Variants in SCHIP1 observed in about 807,000 individuals in gnomAD.
SCHIP1 encodes schwannomin interacting protein 1, also known as schwannomin-interacting protein 1.
In SCHIP1, 8 loss-of-function variants were observed where a neutral mutation model predicts 29.7. The ratio of observed to expected loss-of-function variants is 0.27; its 90% CI spans 0.16 to 0.49. The LOEUF (loss-of-function observed/expected upper bound fraction) is 0.49. SCHIP1 is among the 20% of genes least tolerant of loss of function. SCHIP1 has a pLI of 0.99. For missense variants in SCHIP1, 193 were observed against 294.6 expected, an observed-to-expected ratio of 0.66 and a Z score of 2.52; for synonymous variants, 76 against 94.9, an observed-to-expected ratio of 0.80 and a Z score of 1.16.
At chr3:159,453,152 G>C in the SCHIP1 span, among the ~76,000 whole-genome samples, 1 of 152,178 alleles carries the variant, frequency 6.6e-6, no homozygotes, top group African/African-American at 2.4e-5. Flanking sequence ...GTAGCTGCAG[G>C]TACAACGGCA....
chr3:159,385,303 A>T, the SCHIP1 span, among the ~76,000 whole-genome samples: 1 of 152,218 alleles, frequency 6.6e-6, no homozygotes, highest in Non-Finnish European at 1.5e-5. Context: ...TATGCCTGTA[A>T]TCCCAGCACT....
the SCHIP1 span, among the ~76,000 whole-genome samples, chr3:159,561,095 G>A: frequency 3.9e-5 from 6 of 152,124 alleles, no homozygotes; most frequent in Non-Finnish European, 5.9e-5. Context: ...TATTTGTATA[G>A]CTCTATTCTT....
the SCHIP1 span, among the ~76,000 whole-genome samples, chr3:159,689,465 C>T: frequency 6.6e-6 from 1 of 152,194 alleles, no homozygotes; most frequent in Non-Finnish European, 1.5e-5. Flanking sequence ...TGAGACTTTG[C>T]TGAAGTTGCT....
the SCHIP1 span, among the ~76,000 whole-genome samples, chr3:159,354,503 G>T: frequency 2.6e-5 from 4 of 152,130 alleles, no homozygotes; most frequent in Admixed American, 2.0e-4. Flanking sequence ...AAAGAAGAAA[G>T]CTTCATTTCA....
At chr3:159,863,450 T>C (rs1714269838) in intron 1 of SCHIP1, among the ~76,000 whole-genome samples, 1 of 152,162 alleles carries the variant, frequency 6.6e-6, no homozygotes, top group African/African-American at 2.4e-5. Context: ...CCATTAAAGA[T>C]TGTGTTTTTT....
chr3:159,544,414 A>G, the SCHIP1 span, among the ~76,000 whole-genome samples: 1 of 152,014 alleles, frequency 6.6e-6, no homozygotes, highest in Non-Finnish European at 1.5e-5. Context: ...TAGGGTATGC[A>G]TATGTTCAGC....
chr3:159,381,824 G>T, the SCHIP1 span, among the ~76,000 whole-genome samples: 9 of 151,998 alleles, frequency 5.9e-5, no homozygotes, highest in Non-Finnish European at 1.0e-4. Flanking sequence ...TCGAACTCTT[G>T]GTCTCTCAAG....
At chr3:159,629,670 C>T in the SCHIP1 span, among the ~76,000 whole-genome samples, 71 of 152,298 alleles carry the variant, frequency 4.7e-4, no homozygotes, top group African/African-American at 1.7e-3. Flanking sequence ...ACCTCCTTCA[C>T]AAGGCTGTTG....
chr3:159,746,503 T>C, the SCHIP1 span, among the ~76,000 whole-genome samples: 1 of 152,162 alleles, frequency 6.6e-6, no homozygotes, highest in Non-Finnish European at 1.5e-5. Context: ...CTGCTGACTG[T>C]CTGGCACTCT....
the SCHIP1 span, among the ~76,000 whole-genome samples, chr3:159,668,871 T>C: frequency 6.6e-6 from 1 of 152,156 alleles, no homozygotes. Flanking sequence ...AGCAAATAAG[T>C]GCTCTGGCTA....
At chr3:159,883,846 C>G (rs981125155) in intron 2 of SCHIP1, among the ~76,000 whole-genome samples, 1 of 152,110 alleles carries the variant, frequency 6.6e-6, no homozygotes, top group Non-Finnish European at 1.5e-5. Context: ...TAAATCTCCC[C>G]CAACTTTTTT....
chr3:159,438,799 G>A, the SCHIP1 span, among the ~76,000 whole-genome samples: 15 of 152,194 alleles, frequency 9.9e-5, no homozygotes, highest in African/African-American at 3.6e-4. Context: ...CTCCATCCAT[G>A]TCCCTACAAA....
the SCHIP1 span, among the ~76,000 whole-genome samples, chr3:159,769,632 C>A: frequency 7.9e-5 from 12 of 152,128 alleles, no homozygotes; most frequent in Non-Finnish European, 1.6e-4. Flanking sequence ...CGCCTGTAAT[C>A]CCAGCTACTC....
the SCHIP1 span, among the ~76,000 whole-genome samples, chr3:159,786,989 G>T: frequency 6.6e-6 from 1 of 152,160 alleles, no homozygotes; most frequent in South Asian, 2.1e-4. Context: ...GCCAGCTTTG[G>T]TATTGACTGG....
chr3:159,874,259 A>G (rs1291786879), intron 2 of SCHIP1, among the ~76,000 whole-genome samples: 1 of 152,222 alleles, frequency 6.6e-6, no homozygotes, highest in Non-Finnish European at 1.5e-5. Context: ...GGATGATGTG[A>G]CCTGAAATAG....
At chr3:159,346,189 G>GA in the SCHIP1 span, among the ~76,000 whole-genome samples, 692 of 72,686 alleles carry the variant, frequency 9.5e-3, 4 homozygotes, top group African/African-American at 0.031. Flanking sequence ...CTCTGTCTCA[G>GA]AAAAAAAAAA....
chr3:159,723,621 T>A, the SCHIP1 span, among the ~76,000 whole-genome samples: 1 of 152,336 alleles, frequency 6.6e-6, no homozygotes, highest in Admixed American at 6.5e-5. Flanking sequence ...TTTATTTCAT[T>A]TCCTGTTTAT....
At chr3:159,706,790 G>T in the SCHIP1 span, among the ~76,000 whole-genome samples, 189 of 152,308 alleles carry the variant, frequency 1.2e-3, no homozygotes, top group African/African-American at 4.5e-3. Context: ...TCAGTTAGTT[G>T]ACCAGTTGGT....
chr3:159,715,016 A>C, the SCHIP1 span, among the ~76,000 whole-genome samples: 1 of 152,214 alleles, frequency 6.6e-6, no homozygotes, highest in East Asian at 1.9e-4. Flanking sequence ...CTGACACCTC[A>C]TAGGGCTGGG....
Sources: allele counts gnomAD v4.1 joint callset (sites outside exome capture counted in the v4.1 genomes callset), GRCh38; gene constraint gnomAD v4.1.1; transcripts MANE v1.5; gene names NCBI Gene and HGNC (gene_info 2026-07-23, HGNC 2026-07-21).